Variants in CALN1 observed in about 807,000 individuals in gnomAD.
CALN1 encodes calneuron 1.
Under a neutral mutation model 30.6 loss-of-function variants are expected in CALN1, and 17 were observed. That is an observed-to-expected ratio of 0.56 (90% CI 0.38 to 0.83). The LOEUF (loss-of-function observed/expected upper bound fraction) is 0.83. Among genes scored for constraint, CALN1 ranks in the 40% least tolerant of loss-of-function variants. The pLI is 0.00. For missense variants in CALN1, 291 were observed against 354.9 expected (o/e 0.82, Z 1.45); for synonymous variants, 156 against 131.4 (o/e 1.19, Z -1.28).
At chr7:72,097,301 A>G (rs1408607235) in intron 4 of CALN1, among the ~76,000 whole-genome samples, 2 of 152,230 alleles carry the variant, frequency 1.3e-5, no homozygotes, top group African/African-American at 4.8e-5. Flanking sequence ...TAGAACTTAA[A>G]GTGTAAAAAA....
intron 1 of CALN1, among the ~76,000 whole-genome samples, chr7:72,437,423 T>C (rs1324826394): frequency 6.6e-6 from 1 of 152,088 alleles, no homozygotes; most frequent in Non-Finnish European, 1.5e-5. Flanking sequence ...TCAAGTTTGG[T>C]TGCTAAGGGC....
chr7:71,951,749 A>T (rs1796703270), intron 5 of CALN1, among the ~76,000 whole-genome samples: 1 of 152,218 alleles, frequency 6.6e-6, no homozygotes, highest in South Asian at 2.1e-4. Context: ...CCCTACTAAG[A>T]CAAAACTGAT....
intron 3 of CALN1, among the ~76,000 whole-genome samples, chr7:72,252,469 T>G (rs1795626318): frequency 6.6e-6 from 1 of 152,048 alleles, no homozygotes; most frequent in African/African-American, 2.4e-5. Context: ...CCATGTGTGG[T>G]GGTGCTTGCC....
At chr7:71,911,397 G>A (rs541452159) in intron 5 of CALN1, among the ~76,000 whole-genome samples, 13 of 152,174 alleles carry the variant, frequency 8.5e-5, no homozygotes, top group South Asian at 2.1e-4. Context: ...AAGGAACCAC[G>A]CTCGGTACTC....
At chr7:71,990,236 A>C (rs1163031018) in intron 5 of CALN1, among the ~76,000 whole-genome samples, 1 of 152,198 alleles carries the variant, frequency 6.6e-6, no homozygotes, top group African/African-American at 2.4e-5. Flanking sequence ...TAAGCATGCT[A>C]AACGACACTC....
intron 2 of CALN1, among the ~76,000 whole-genome samples, chr7:72,402,436 G>A (rs1007883732): frequency 6.6e-6 from 1 of 152,156 alleles, no homozygotes; most frequent in Admixed American, 6.5e-5. Flanking sequence ...ACTGGAAGCT[G>A]GTGGCTAAAG....
chr7:72,090,582 A>G (rs1805787926), intron 4 of CALN1, among the ~76,000 whole-genome samples: 1 of 152,194 alleles, frequency 6.6e-6, no homozygotes, highest in African/African-American at 2.4e-5. Flanking sequence ...GGTAACAAAT[A>G]CACAACAAAA....
At chr7:72,376,563 G>T (rs1464084799) in intron 2 of CALN1, among the ~76,000 whole-genome samples, 1 of 152,112 alleles carries the variant, frequency 6.6e-6, no homozygotes, top group African/African-American at 2.4e-5. Context: ...TTAGCTGTTT[G>T]TCTTTTTGTT....
At chr7:72,051,822 G>T (rs1584833121) in intron 4 of CALN1, among the ~76,000 whole-genome samples, 1 of 152,180 alleles carries the variant, frequency 6.6e-6, no homozygotes, top group Admixed American at 6.5e-5. Flanking sequence ...TATGGAAGCT[G>T]CAAACAGTGC....
chr7:72,231,196 C>A (rs923858729), intron 3 of CALN1, among the ~76,000 whole-genome samples: 1 of 152,016 alleles, frequency 6.6e-6, no homozygotes, highest in African/African-American at 2.4e-5. Context: ...TAAACATGCA[C>A]CATGGTGGTT....
chr7:72,092,847 C>T (rs2129539944), intron 4 of CALN1, among the ~76,000 whole-genome samples: 1 of 152,228 alleles, frequency 6.6e-6, no homozygotes, highest in Non-Finnish European at 1.5e-5. Context: ...TTCCCCGGGT[C>T]TCTTTCCCCT....
At chr7:72,149,206 C>T (rs1055889506) in intron 3 of CALN1, among the ~76,000 whole-genome samples, 9 of 152,062 alleles carry the variant, frequency 5.9e-5, no homozygotes, top group African/African-American at 2.2e-4. Flanking sequence ...CGGCTCGCAT[C>T]TGTAATCCCA....
At chr7:71,886,421 G>T (rs1792912558) in intron 5 of CALN1, among the ~76,000 whole-genome samples, 1 of 152,230 alleles carries the variant, frequency 6.6e-6, no homozygotes, top group Non-Finnish European at 1.5e-5. Context: ...CTGTTGAAAG[G>T]AATCAGGATA....
chr7:72,430,007 G>A (rs779272543), intron 1 of CALN1, among the ~76,000 whole-genome samples: 5 of 150,766 alleles, frequency 3.3e-5, no homozygotes, highest in Non-Finnish European at 7.4e-5. Context: ...TTTTAGTAGA[G>A]ACAGGGTTTC....
In CALN1 at chr7:72,018,326, C is replaced by A. The variant is rs80032235; in HGVS notation, c.501+5331G>T. Among the ~76,000 whole-genome samples, 315 of 152,120 alleles carry A rather than the reference C, an allele frequency of 2.1e-3. 6 individuals are homozygous for A. In the East Asian group the frequency reaches 0.029, roughly 14 times the overall value. ...CTGCAGCATTGAGCAGGAAGCCTAC[C>A]CCCCAGTCCTGAGTCTCAGCCCCGC... is the stretch of plus-strand genomic sequence containing the variant. On this transcript the variant is annotated intron_variant, in intron 5 of 6. Transcript: ENST00000395275.
intron 5 of CALN1, among the ~76,000 whole-genome samples, chr7:71,842,823 A>G (rs1471468080): frequency 3.3e-5 from 5 of 152,180 alleles, no homozygotes; most frequent in Admixed American, 1.3e-4. Flanking sequence ...AGCACTGCCT[A>G]TCTTCGGGGT....
At chr7:71,816,057 A>G (rs535486540) in intron 5 of CALN1, among the ~76,000 whole-genome samples, 1 of 150,734 alleles carries the variant, frequency 6.6e-6, no homozygotes, top group South Asian at 2.1e-4. Flanking sequence ...TTCTTTACAG[A>G]GAGAGTCTTG....
chr7:72,033,864 G>C (rs774250149), intron 4 of CALN1, among the ~76,000 whole-genome samples: 1 of 152,198 alleles, frequency 6.6e-6, no homozygotes, highest in Non-Finnish European at 1.5e-5. Flanking sequence ...GTGGGGTAGA[G>C]CTGACTGGGG....
At chr7:72,038,831 G>A (rs573501940) in intron 4 of CALN1, among the ~76,000 whole-genome samples, 2 of 152,122 alleles carry the variant, frequency 1.3e-5, no homozygotes, top group Non-Finnish European at 2.9e-5. Flanking sequence ...TCTAAAAAGG[G>A]GAGGCATAAA....
Sources: gnomAD v4.1 joint callset for allele counts (sites outside exome capture counted in the v4.1 genomes callset) on GRCh38, gnomAD v4.1.1 for gene constraint, MANE v1.5 for transcripts, NCBI Gene and HGNC (gene_info 2026-07-23, HGNC 2026-07-21) for gene names.